Variants in VGLL3 observed in about 807,000 individuals in gnomAD.
VGLL3 encodes transcription cofactor vestigial-like protein 3.
A neutral mutation model predicts 29.2 loss-of-function variants in VGLL3; 18 were observed. The ratio of observed to expected loss-of-function variants is 0.62; its 90% CI spans 0.43 to 0.91. VGLL3 has a LOEUF of 0.91. VGLL3 is among the 40% of genes least tolerant of loss of function. VGLL3 has a pLI of 0.00. For synonymous variants in VGLL3, 180 were observed against 151.8 expected (o/e 1.19, Z -1.36); for missense variants, 440 against 413.2 (o/e 1.06, Z -0.56).
In VGLL3 at chr3:86,970,522, T is replaced by C. The variant is rs957669530; in HGVS notation, c.404-1399A>G. Among the ~76,000 whole-genome samples the C allele has an allele frequency of 8.7e-4, 81 of 93,584 alleles. No homozygotes were observed. The South Asian group carries it at 0.01, about 12-fold the overall frequency. 61.4% of individuals were successfully genotyped at this position (93,584 alleles called of 152,430 possible). On this transcript the variant is annotated intron_variant, in intron 2 of 3. Transcript: ENST00000398399. ...ACACACACACACACACACACACACA[T>C]ATGACAGCAGCAGCATTTGAAAGAC...
intron 3 of VGLL3, among the ~76,000 whole-genome samples, chr3:86,957,441 T>C (rs1704746482): frequency 6.6e-6 from 1 of 152,212 alleles, no homozygotes; most frequent in South Asian, 2.1e-4. Context: ...TAATGAACCA[T>C]ATCTCAGATT....
chr3:86,975,695 G>A (rs573256619), intron 2 of VGLL3, among the ~76,000 whole-genome samples: 2 of 152,250 alleles, frequency 1.3e-5, no homozygotes, highest in South Asian at 4.1e-4. Context: ...GTGAGCATCA[G>A]AAAAAATGAG....
chr3:86,956,091 T>C (rs1466213540), intron 3 of VGLL3, among the ~76,000 whole-genome samples: 1 of 152,216 alleles, frequency 6.6e-6, no homozygotes, highest in African/African-American at 2.4e-5. Context: ...CCTCAGGCCA[T>C]ATAGAATTTT....
At chr3:86,979,819 A>G (rs73844432) in intron 1 of VGLL3, among the ~76,000 whole-genome samples, 13,266 of 152,090 alleles carry the variant, frequency 0.087, 1,564 homozygotes, top group African/African-American at 0.26. Flanking sequence ...GATATCTAGC[A>G]TATAGATATG....
At position 86,945,736 on chromosome 3, in the gene VGLL3, A is replaced by T; in HGVS notation, c.*1288T>A. 1 of 152,186 alleles carries T rather than the reference A, an allele frequency of 6.6e-6. No homozygotes were observed. The highest frequency in any genetic ancestry group is 1.5e-5 in the Non-Finnish European group (1 of 68,020). 9.4% of individuals were successfully genotyped at this position (152,186 alleles called of 1,614,324 possible). On this transcript the variant is annotated 3_prime_UTR_variant, in exon 4 of 4. Coordinates refer to ENST00000398399, the MANE Select transcript of VGLL3 (RefSeq NM_016206.4). ...AAATTGTGGCATAAATTTAAATCCT[A>T]ATATACACTTTATTTTGCCCTAAAT...
chr3:86,980,660 C>T (rs767428207), intron 1 of VGLL3, among the ~76,000 whole-genome samples: 1 of 152,026 alleles, frequency 6.6e-6, no homozygotes, highest in Non-Finnish European at 1.5e-5. Flanking sequence ...TAAATAACCT[C>T]TAAAACTATT....
intron 1 of VGLL3, among the ~76,000 whole-genome samples, chr3:86,980,149 A>AGT: frequency 1.3e-5 from 2 of 151,696 alleles, no homozygotes; most frequent in Non-Finnish European, 2.9e-5. Flanking sequence ...TTTACTTTGA[A>AGT]AAAAACGCAT....
intron 2 of VGLL3, among the ~76,000 whole-genome samples, chr3:86,977,491 C>T (rs1431321879): frequency 6.6e-6 from 1 of 152,228 alleles, no homozygotes; most frequent in Non-Finnish European, 1.5e-5. Context: ...GTGATTCCCA[C>T]ACCTTCCTAT....
chr3:86,968,195 A>G (rs1705004754), intron 3 of VGLL3, among the ~76,000 whole-genome samples: 1 of 152,232 alleles, frequency 6.6e-6, no homozygotes. Flanking sequence ...CATAAGGCCT[A>G]ACAAAAAAAG....
At chr3:86,974,425 G>C (rs1247803266) in intron 2 of VGLL3, among the ~76,000 whole-genome samples, 8 of 151,954 alleles carry the variant, frequency 5.3e-5, no homozygotes, top group Admixed American at 5.3e-4. Flanking sequence ...CAGCTAGTTA[G>C]GTTTTCTTAA....
rs1704518404 is a variant in VGLL3 at position 86,946,877 on chromosome 3, A to G, written c.*147T>C. ...GGGACCCACTTTGCTTTCTCAAGAAAGGCCGAAAACCAGTCAACTGCGTGA... is the reference window on the plus strand; with the variant it reads ...GGGACCCACTTTGCTTTCTCAAGAAGGGCCGAAAACCAGTCAACTGCGTGA... On this transcript the variant is annotated 3_prime_UTR_variant, in exon 4 of 4. Transcript: ENST00000398399. The G allele has an allele frequency of 3.3e-6, 2 of 606,508 alleles. No individual in the cohort carries two copies. Among genetic ancestry groups the G allele is most frequent in the Non-Finnish European group, 6.0e-6 (2 of 333,724 alleles). The allele number at this position is 606,508 out of a possible 1,614,324, so 37.6% of individuals were successfully genotyped here.
chr3:86,938,450 G>A lies in VGLL3; in HGVS notation c.*8574C>T, dbSNP rs1400557045. ...TTAGCAAGATCCACAAGAAAGGATA[G>A]AGTGTCATGCTTAAAGGGGAACAGA... is the stretch of plus-strand genomic sequence containing the variant. On this transcript the variant is annotated 3_prime_UTR_variant, in exon 4 of 4. Coordinates refer to ENST00000398399, the MANE Select transcript of VGLL3 (RefSeq NM_016206.4). 1 of 152,636 alleles carries A rather than the reference G, an allele frequency of 6.6e-6. No individual in the cohort carries two copies. The highest frequency in any genetic ancestry group is 6.5e-5 in the Admixed American group (1 of 15,282). The allele number at this position is 152,636 out of a possible 1,614,324, so 9.5% of individuals were successfully genotyped here.
chr3:86,959,510 G>A (rs1020462286), intron 3 of VGLL3, among the ~76,000 whole-genome samples: 9 of 151,694 alleles, frequency 5.9e-5, no homozygotes, highest in African/African-American at 2.2e-4. Context: ...TCATCTTTAG[G>A]GTGAAAAATA....
intron 3 of VGLL3, among the ~76,000 whole-genome samples, chr3:86,954,738 T>G (rs565009280): frequency 6.0e-4 from 92 of 152,262 alleles, no homozygotes; most frequent in African/African-American, 2.2e-3. Context: ...ATTTAGACAC[T>G]GCTTACCAAT....
At chr3:86,987,103 G>A (rs1705458339) in intron 1 of VGLL3, among the ~76,000 whole-genome samples, 3 of 152,202 alleles carry the variant, frequency 2.0e-5, no homozygotes, top group African/African-American at 7.2e-5. Context: ...GAGAAAGGGG[G>A]ATCTGGTGAT....
intron 2 of VGLL3, among the ~76,000 whole-genome samples, chr3:86,976,936 C>T (rs1705221575): frequency 1.3e-5 from 2 of 152,120 alleles, no homozygotes; most frequent in Non-Finnish European, 2.9e-5. Context: ...CTAATGTTTT[C>T]CTATTTTCTT....
intron 3 of VGLL3, among the ~76,000 whole-genome samples, chr3:86,950,112 C>T (rs191840409): frequency 2.4e-3 from 364 of 152,244 alleles, no homozygotes; most frequent in Non-Finnish European, 4.2e-3. Context: ...CCAAATCAAA[C>T]CTACTTGAAA....
rs1410495240 is a variant in VGLL3 at position 86,978,402 on chromosome 3, G to A, written c.403+124C>T. ...GTTTGTCTGAAAGAAATTCCTCACT[G>A]TCCTTAAATATTAAAAAGCAAGTGG... On this transcript the variant is annotated intron_variant, in intron 2 of 3. Transcript: ENST00000398399. 2.2e-5 allele frequency: 25 copies of A among 1,125,422 alleles called. No individual in the cohort carries two copies. The Admixed American group carries it at 5.2e-4, about 23-fold the overall frequency. 69.7% of individuals were successfully genotyped at this position (1,125,422 alleles called of 1,614,324 possible).
At chr3:86,990,072 TCA>T (rs1705547719) in intron 1 of VGLL3, among the ~76,000 whole-genome samples, 1 of 152,078 alleles carries the variant, frequency 6.6e-6, no homozygotes, top group South Asian at 2.1e-4. Flanking sequence ...GTCCTCTAAG[TCA>T]CAGTCACCGG....
Sources: gnomAD v4.1 joint callset for allele counts (sites outside exome capture counted in the v4.1 genomes callset) on GRCh38, gnomAD v4.1.1 for gene constraint, MANE v1.5 for transcripts, NCBI Gene and HGNC (gene_info 2026-07-23, HGNC 2026-07-21) for gene names.